Variants in EEPD1 observed in about 807,000 individuals in gnomAD.
EEPD1 encodes the protein endonuclease/exonuclease/phosphatase family domain containing 1.
In EEPD1, 17 loss-of-function variants were observed where a neutral mutation model predicts 46.3. The ratio of observed to expected loss-of-function variants is 0.37; its 90% CI spans 0.25 to 0.55. The LOEUF (loss-of-function observed/expected upper bound fraction) is 0.55. Ranked by LOEUF, EEPD1 falls within the 20% of genes least tolerant of loss-of-function variation. EEPD1 has a pLI of 0.83. For missense variants in EEPD1, 673 were observed against 745.6 expected (o/e 0.90, Z 1.13); for synonymous variants, 313 against 315.6 (o/e 0.99, Z 0.09).
chr7:36,240,780 G>T, intron 3 of EEPD1, among the ~76,000 whole-genome samples: 1 of 152,194 alleles, frequency 6.6e-6, no homozygotes, highest in East Asian at 1.9e-4. Context: ...TTTCCTGGAA[G>T]AAAATTTTTC....
intron 3 of EEPD1, among the ~76,000 whole-genome samples, chr7:36,252,978 C>T (rs1027775455): frequency 6.6e-6 from 1 of 151,192 alleles, no homozygotes; most frequent in Non-Finnish European, 1.5e-5. Flanking sequence ...CTGCTCTCAT[C>T]TTTATGTTTC....
chr7:36,261,829 A>T (rs1458391173), intron 3 of EEPD1, among the ~76,000 whole-genome samples: 5 of 152,252 alleles, frequency 3.3e-5, no homozygotes, highest in African/African-American at 4.8e-5. Context: ...CCAGAAAATA[A>T]TTCAGTGGAG....
intron 3 of EEPD1, among the ~76,000 whole-genome samples, chr7:36,279,587 G>A (rs991490559): frequency 3.3e-5 from 5 of 152,224 alleles, no homozygotes; most frequent in African/African-American, 1.2e-4. Context: ...GCTTTCTGCA[G>A]CAGAGGCGTT....
intron 2 of EEPD1, among the ~76,000 whole-genome samples, chr7:36,158,259 GTGTTT>G (rs1335662956): frequency 6.6e-6 from 1 of 152,208 alleles, no homozygotes; most frequent in African/African-American, 2.4e-5. Flanking sequence ...CAAGCATGCT[GTGTTT>G]TGTAAGCACG....
At chr7:36,296,117 C>A (rs1787521140) in intron 6 of EEPD1, among the ~76,000 whole-genome samples, 1 of 150,658 alleles carries the variant, frequency 6.6e-6, no homozygotes, top group African/African-American at 2.4e-5. Context: ...TAAAAGTGAC[C>A]AGCAGCAGGA....
intron 2 of EEPD1, among the ~76,000 whole-genome samples, chr7:36,189,429 A>G (rs571224728): frequency 1.9e-4 from 29 of 152,356 alleles, no homozygotes; most frequent in African/African-American, 6.3e-4. Context: ...ATGAGCAAAA[A>G]TTGTGGTATA....
intron 3 of EEPD1, among the ~76,000 whole-genome samples, chr7:36,271,933 G>A (rs1345329512): frequency 6.6e-6 from 1 of 151,292 alleles, no homozygotes; most frequent in Non-Finnish European, 1.5e-5. Context: ...CCAGGCTGGA[G>A]TGCAATGGCA....
At chr7:36,167,438 GC>G (rs1347630196) in intron 2 of EEPD1, among the ~76,000 whole-genome samples, 2 of 152,128 alleles carry the variant, frequency 1.3e-5, no homozygotes, top group Non-Finnish European at 2.9e-5. Context: ...AAGGGGAATG[GC>G]TTTCTTGTCG....
In EEPD1 at chr7:36,254,327, G is replaced by A. The variant is rs192878501; in HGVS notation, c.930+15291G>A. ...CAGTATGTGATGTTCCCCTCCCTGCGTCCATGTGTTCTCATTCTTCAACTC... is the reference window on the plus strand; with the variant it reads ...CAGTATGTGATGTTCCCCTCCCTGCATCCATGTGTTCTCATTCTTCAACTC... On this transcript the variant is annotated intron_variant, in intron 3 of 7. Coordinates refer to ENST00000242108, the MANE Select transcript of EEPD1 (RefSeq NM_030636.3). Among the ~76,000 whole-genome samples the A allele has an allele frequency of 3.9e-5, 6 of 152,162 alleles. 1 individual carries two copies. The highest frequency in any genetic ancestry group is 2.0e-4 in the Admixed American group (3 of 15,288).
At chr7:36,219,806 A>AGAGAGAGAGAGAGT (rs1341203087) in intron 2 of EEPD1, among the ~76,000 whole-genome samples, 1 of 75,400 alleles carries the variant, frequency 1.3e-5, no homozygotes, top group Non-Finnish European at 2.6e-5. Flanking sequence ...AGAGAGAGAG[A>AGAGAGAGAGAGAGT]GTGTGTGTGT....
intron 2 of EEPD1, among the ~76,000 whole-genome samples, chr7:36,211,786 G>A (rs1335769586): frequency 1.3e-5 from 2 of 152,016 alleles, no homozygotes; most frequent in Middle Eastern, 3.2e-3. Flanking sequence ...TTAGCCAGGC[G>A]TGGTGGCAAG....
chr7:36,206,027 G>T (rs1000266499), intron 2 of EEPD1, among the ~76,000 whole-genome samples: 1 of 152,198 alleles, frequency 6.6e-6, no homozygotes, highest in Non-Finnish European at 1.5e-5. Flanking sequence ...TCAGGCCCCA[G>T]ATGACATGTA....
chr7:36,238,601 A>T (rs903397967), intron 2 of EEPD1, among the ~76,000 whole-genome samples: 2 of 152,242 alleles, frequency 1.3e-5, no homozygotes, highest in Admixed American at 1.3e-4. Context: ...AATATAGTCC[A>T]TTAAAAGTAT....
intron 3 of EEPD1, among the ~76,000 whole-genome samples, chr7:36,263,322 C>A (rs1050636417): frequency 2.6e-5 from 4 of 152,088 alleles, no homozygotes; most frequent in Admixed American, 2.0e-4. Flanking sequence ...GCAGAGAACA[C>A]CCTGTCTCAA....
chr7:36,237,429 G>A (rs778740641), intron 2 of EEPD1, among the ~76,000 whole-genome samples: 1 of 152,120 alleles, frequency 6.6e-6, no homozygotes, highest in African/African-American at 2.4e-5. Flanking sequence ...GAGCCACTGC[G>A]TTGGCCCTCT....
intron 2 of EEPD1, among the ~76,000 whole-genome samples, chr7:36,221,076 T>C (rs978622923): frequency 6.6e-6 from 1 of 152,228 alleles, no homozygotes; most frequent in Non-Finnish European, 1.5e-5. Flanking sequence ...CCCAAAGTGT[T>C]TAGATTACAG....
chr7:36,232,483 C>T (rs967655069), intron 2 of EEPD1, among the ~76,000 whole-genome samples: 5 of 151,868 alleles, frequency 3.3e-5, no homozygotes, highest in African/African-American at 1.2e-4. Context: ...GGATTACAGA[C>T]GTGATACTGC....
In EEPD1 at chr7:36,193,804, G is replaced by A. The variant is rs919877944; in HGVS notation, c.878+38602G>A. ...CGGCAGAGCGGCCACACCCATCCTG[G>A]TGCCCTCTCTTTATGGCTGCCACCT... On this transcript the variant is annotated intron_variant, in intron 2 of 7. Transcript: ENST00000242108. The surrounding 1 kb of genome is among the most constrained non-coding windows in gnomAD (Gnocchi z 4.9). Among the ~76,000 whole-genome samples the A allele has an allele frequency of 6.6e-6, 1 of 152,190 alleles. No individual in the cohort carries two copies. Among genetic ancestry groups the A allele is most frequent in the Non-Finnish European group, 1.5e-5 (1 of 68,020 alleles).
chr7:36,241,844 G>C (rs1390617697), intron 3 of EEPD1, among the ~76,000 whole-genome samples: 2 of 152,186 alleles, frequency 1.3e-5, no homozygotes, highest in Non-Finnish European at 2.9e-5. Context: ...CTCCAGTCTG[G>C]GCGAGAGAGT....
Sources: gnomAD v4.1 joint callset for allele counts (sites outside exome capture counted in the v4.1 genomes callset) on GRCh38, gnomAD v4.1.1 for gene constraint, Gnocchi (gnomAD v3.1) non-coding constraint, MANE v1.5 for transcripts, NCBI Gene and HGNC (gene_info 2026-07-23, HGNC 2026-07-21) for gene names.